Variants in RAPGEF6 observed in about 807,000 individuals in gnomAD.
The protein encoded by RAPGEF6 is PDZ domain containing guanine nucleotide exchange factor (GEF) 2.
A neutral mutation model predicts 171.4 loss-of-function variants in RAPGEF6; 56 were observed. The ratio of observed to expected loss-of-function variants is 0.33; its 90% CI spans 0.26 to 0.41. The LOEUF (loss-of-function observed/expected upper bound fraction) is 0.41. Among genes scored for constraint, RAPGEF6 ranks in the 10% least tolerant of loss-of-function variants. RAPGEF6 has a pLI of 1.00. For synonymous variants in RAPGEF6, 692 were observed against 650.1 expected (o/e 1.06, Z -0.98); for missense variants, 1,674 against 1,921.4 (o/e 0.87, Z 2.41).
chr5:131,574,252 C>A (rs944766406), intron 4 of RAPGEF6, among the ~76,000 whole-genome samples: 2 of 152,140 alleles, frequency 1.3e-5, no homozygotes, highest in Non-Finnish European at 2.9e-5. Flanking sequence ...CAATTCACAT[C>A]GCCGCTGCTC....
intron 7 of RAPGEF6, among the ~76,000 whole-genome samples, chr5:131,514,914 G>A (rs1305967067): frequency 1.3e-5 from 2 of 152,028 alleles, no homozygotes; most frequent in African/African-American, 4.8e-5. Context: ...GTTAAGTCCA[G>A]GAAAAATATA....
rs1751282745 is a variant in RAPGEF6 at position 131,423,938 on chromosome 5, T to C, written c.*3328A>G. ...AGAGAAGATTAATGTAGATTCTTTA[T>C]TGATTCCACCAATGTATTAGTAGAT... On this transcript the variant is annotated 3_prime_UTR_variant, in exon 28 of 28. Coordinates refer to ENST00000509018, the MANE Select transcript of RAPGEF6 (RefSeq NM_016340.6). The C allele has an allele frequency of 6.6e-6, 1 of 152,262 alleles. No individual in the cohort carries two copies. The highest frequency in any genetic ancestry group is 6.5e-5 in the Admixed American group (1 of 15,280). The allele number at this position is 152,262 out of a possible 1,614,324, so 9.4% of individuals were successfully genotyped here. A position where few individuals can be genotyped will look rare whatever the true frequency, so the allele number is the denominator to read the frequency against.
chr5:131,446,830 G>C, intron 21 of RAPGEF6, 127 bp from the exon 22 acceptor site: 1 of 866,790 alleles, frequency 1.2e-6, no homozygotes, highest in Non-Finnish European at 1.8e-6. Flanking sequence ...AAAAGATGAA[G>C]AGCATTAATG....
intron 1 of RAPGEF6, among the ~76,000 whole-genome samples, chr5:131,633,196 G>A (rs1448236249): frequency 2.6e-5 from 4 of 152,180 alleles, no homozygotes; most frequent in African/African-American, 4.8e-5. Context: ...GCTGGGCATA[G>A]TGGCGTGTGC....
Position 131,433,521 on chromosome 5 carries a change from A to G in RAPGEF6, c.3883T>C (p.Ser1295Pro), listed in dbSNP as rs1281696811. Residue 1295 changes from serine to proline, a missense_variant, in exon 25 of 28, where the codon TCT becomes CCT. By Grantham distance (74) the Ser-to-Pro change is moderately conservative. Transcript: ENST00000509018. ...GATTCAGGGACTGCCAGGGCCTGAG[A>G]GGAACACCGTTCATCCTGTAGAGCT... Reference protein sequence around the residue: ...SAALQDERCSSQALAVPESTG... With the variant: ...SAALQDERCSPQALAVPESTG... 2 of 1,613,898 alleles carry G rather than the reference A, an allele frequency of 1.2e-6. No homozygotes were observed. Among genetic ancestry groups the G allele is most frequent in the South Asian group, 2.2e-5 (2 of 91,076 alleles).
intron 16 of RAPGEF6, 64 bp from the exon 17 acceptor site, chr5:131,472,808 G>A (rs1284443228): frequency 4.2e-6 from 6 of 1,429,454 alleles, no homozygotes; most frequent in Non-Finnish European, 3.9e-6. Context: ...AAACGTTTCT[G>A]TTCCCTGTGC....
intron 12 of RAPGEF6, among the ~76,000 whole-genome samples, chr5:131,497,951 A>C (rs960277131): frequency 1.3e-5 from 2 of 152,270 alleles, no homozygotes; most frequent in African/African-American, 4.8e-5. Context: ...GGTAGATTTA[A>C]ATAAGTCACA....
intron 7 of RAPGEF6, among the ~76,000 whole-genome samples, chr5:131,516,902 C>T (rs1364651409): frequency 6.6e-6 from 1 of 152,096 alleles, no homozygotes; most frequent in Non-Finnish European, 1.5e-5. Context: ...GGGCCAAGGG[C>T]TTTTATTTTT....
intron 14 of RAPGEF6, among the ~76,000 whole-genome samples, chr5:131,492,142 A>G (rs1481415472): frequency 2.6e-5 from 4 of 152,200 alleles, no homozygotes; most frequent in African/African-American, 9.7e-5. Flanking sequence ...TACCATATGA[A>G]CATAATTTAA....
In RAPGEF6 at chr5:131,489,536, C is replaced by A; in HGVS notation, c.1840+10G>T. On this transcript the variant is annotated intron_variant, in intron 15 of 27. Coordinates refer to ENST00000509018, the MANE Select transcript of RAPGEF6 (RefSeq NM_016340.6). Reference sequence around the variant, plus strand: ...GAAAGAGTTCAGGCAATTTTTACAACAAAACTCACCAAAAATGTTGGTCTT... The same window carrying A: ...GAAAGAGTTCAGGCAATTTTTACAAAAAAACTCACCAAAAATGTTGGTCTT... The A allele has an allele frequency of 1.3e-6, 2 of 1,522,216 alleles. No homozygotes were observed. Among genetic ancestry groups the A allele is most frequent in the African/African-American group, 1.4e-5 (1 of 71,630 alleles). The allele number at this position is 1,522,216 out of a possible 1,614,324, so 94.3% of individuals were successfully genotyped here.
chr5:131,539,594 T>C (rs1262722547), intron 6 of RAPGEF6, among the ~76,000 whole-genome samples: 3 of 152,124 alleles, frequency 2.0e-5, no homozygotes, highest in African/African-American at 7.2e-5. Flanking sequence ...ACACACTCCA[T>C]AAAAGCGAAA....
chr5:131,626,481 T>C (rs1172646746), intron 1 of RAPGEF6, among the ~76,000 whole-genome samples: 1 of 151,982 alleles, frequency 6.6e-6, no homozygotes, highest in Non-Finnish European at 1.5e-5. Context: ...TCAGTACTTT[T>C]GCTCCTGCCT....
At chr5:131,629,213 C>T (rs1038969050) in intron 1 of RAPGEF6, among the ~76,000 whole-genome samples, 1 of 152,118 alleles carries the variant, frequency 6.6e-6, no homozygotes, top group African/African-American at 2.4e-5. Flanking sequence ...GGCATGGTGA[C>T]TCACGCCTGT....
Position 131,528,268 on chromosome 5 carries a change from ATT to A in RAPGEF6, c.496-6749_496-6748del, listed in dbSNP as rs1759078656. Reference sequence around the variant, plus strand: ...ATATATAAATAAAATAAAATAATATATTTATATTATATATATATAAATAAAAT... The same window carrying A: ...ATATATAAATAAAATAAAATAATATATATATTATATATATATAAATAAAAT... On this transcript the variant is annotated intron_variant, in intron 6 of 27. Coordinates refer to ENST00000509018, the MANE Select transcript of RAPGEF6 (RefSeq NM_016340.6). Among the ~76,000 whole-genome samples the A allele has an allele frequency of 2.4e-5, 3 of 127,448 alleles. No individual in the cohort carries two copies. In the South Asian group the frequency reaches 6.5e-4, roughly 28 times the overall value. 83.6% of individuals were successfully genotyped at this position (127,448 alleles called of 152,430 possible).
intron 1 of RAPGEF6, among the ~76,000 whole-genome samples, chr5:131,619,064 A>G (rs945545632): frequency 2.0e-5 from 3 of 151,528 alleles, no homozygotes; most frequent in Admixed American, 2.0e-4. Context: ...AAAAAACAGG[A>G]CTGTTCTAGA....
At chr5:131,429,312 T>A in intron 26 of RAPGEF6, 96 bp from the exon 27 acceptor site, 1 of 1,074,536 alleles carries the variant, frequency 9.3e-7, no homozygotes, top group Non-Finnish European at 1.3e-6. Flanking sequence ...AAAATACAAC[T>A]TAAAAATAGA....
At chr5:131,600,710 TAA>T (rs1764190645) in intron 3 of RAPGEF6, among the ~76,000 whole-genome samples, 1 of 151,990 alleles carries the variant, frequency 6.6e-6, no homozygotes, top group African/African-American at 2.4e-5. Context: ...AAATGACTAA[TAA>T]ATATTTTTAA....
At chr5:131,432,911 CTTTCTCA>C (rs1224865660) in intron 25 of RAPGEF6, among the ~76,000 whole-genome samples, 1 of 151,906 alleles carries the variant, frequency 6.6e-6, no homozygotes, top group Non-Finnish European at 1.5e-5. Flanking sequence ...TTAGAATAAA[CTTTCTCA>C]AAGATTTCCA....
intron 6 of RAPGEF6, among the ~76,000 whole-genome samples, chr5:131,528,998 C>A (rs925265852): frequency 1.1e-4 from 17 of 152,032 alleles, no homozygotes; most frequent in African/African-American, 3.4e-4. Flanking sequence ...AAATAGAACC[C>A]AAAGTGGTAA....
Sources: gnomAD v4.1 joint callset for allele counts (sites outside exome capture counted in the v4.1 genomes callset) on GRCh38, gnomAD v4.1.1 for gene constraint, MANE v1.5 for transcripts, NCBI Gene and HGNC (gene_info 2026-07-23, HGNC 2026-07-21) for gene names.